NHSL1: variants seen among roughly 807,000 people sequenced by gnomAD.
NHSL1 encodes the protein NHS-like protein 1.
Under a neutral mutation model 95.0 loss-of-function variants are expected in NHSL1, and 48 were observed. The ratio of observed to expected loss-of-function variants is 0.51; its 90% CI spans 0.40 to 0.64. The LOEUF (loss-of-function observed/expected upper bound fraction) is 0.64, where lower values mean the gene tolerates loss of function less well. NHSL1 is among the 30% of genes least tolerant of loss of function. The pLI is 0.00. For missense variants in NHSL1, 1,971 were observed against 2,077.7 expected, an observed-to-expected ratio of 0.95 and a Z score of 1.00; for synonymous variants, 783 against 833.9, an observed-to-expected ratio of 0.94 and a Z score of 1.05.
chr6:138,485,069 C>A (rs1449030237), intron 2 of NHSL1, among the ~76,000 whole-genome samples: 1 of 152,108 alleles, frequency 6.6e-6, no homozygotes, highest in African/African-American at 2.4e-5. Flanking sequence ...AAATTGGAGG[C>A]GATCTCATTT....
chr6:138,432,416 T>G lies in NHSL1; in HGVS notation c.1929A>C (p.Arg643Ser). Residue 643 changes from arginine (R) to serine (S), a missense_variant, in exon 6 of 8, where the codon AGA (arginine) becomes AGC (serine). Physicochemically the swap from Arg to Ser is moderately radical, Grantham distance 110. Coordinates refer to ENST00000343505, the MANE Select transcript of NHSL1 (RefSeq NM_001144060.2). The surrounding 1 kb of genome is among the most constrained non-coding windows in gnomAD (Gnocchi z 4.4). ...RHSVINVFVG[R>S]AQKNQGDRSN... The stretch of plus-strand genomic sequence containing the variant: ...ACCGGTCCCCTTGGTTTTTCTGAGC[T>G]CTTCCAACAAAAACATTGATCACGC... 2.6e-6 allele frequency: 4 copies of G among 1,552,270 alleles called. No individual in the cohort carries two copies. Among genetic ancestry groups the G allele is most frequent in the Non-Finnish European group, 3.5e-6 (4 of 1,147,118 alleles).
intron 1 of NHSL1, among the ~76,000 whole-genome samples, chr6:138,567,441 C>A (rs1783662938): frequency 1.3e-5 from 2 of 152,058 alleles, no homozygotes; most frequent in African/African-American, 2.4e-5. Flanking sequence ...GGAAGCTATT[C>A]CTAAGTCCCA....
intron 1 of NHSL1, among the ~76,000 whole-genome samples, chr6:138,512,053 G>T (rs1008117465): frequency 1.3e-5 from 2 of 152,140 alleles, no homozygotes; most frequent in Non-Finnish European, 2.9e-5. Context: ...CTATCTCTTT[G>T]TGTGCTGCAA....
At chr6:138,442,982 T>G (rs1003637746) in intron 4 of NHSL1, among the ~76,000 whole-genome samples, 1 of 152,178 alleles carries the variant, frequency 6.6e-6, no homozygotes, top group African/African-American at 2.4e-5. Context: ...ACTGACCTTT[T>G]TGAATGGTTA....
chr6:138,432,115 C>T lies in NHSL1; in HGVS notation c.2230G>A (p.Ala744Thr), dbSNP rs1321862973. Reference protein sequence around the residue: ...PRSRSQSTVSAGSSMTSATTP... With the variant: ...PRSRSQSTVSTGSSMTSATTP... The stretch of plus-strand genomic sequence containing the variant: ...GTGGCGGAAGTCATGCTGCTGCCAG[C>T]ACTAACTGTGCTCTGGCTCCGGGAG... Residue 744 changes from alanine to threonine, a missense_variant, in exon 6 of 8, where the codon GCT becomes ACT. Coordinates refer to ENST00000343505, the MANE Select transcript of NHSL1 (RefSeq NM_001144060.2). The surrounding 1 kb of genome is among the most constrained non-coding windows in gnomAD (Gnocchi z 4.4). 6.4e-7 allele frequency: 1 copy of T among 1,550,844 alleles called. No individual in the cohort carries two copies. Among genetic ancestry groups the T allele is most frequent in the Non-Finnish European group, 8.7e-7 (1 of 1,146,570 alleles).
intron 1 of NHSL1, among the ~76,000 whole-genome samples, chr6:138,648,980 C>T (rs1785054188): frequency 2.0e-5 from 3 of 152,082 alleles, no homozygotes; most frequent in South Asian, 2.1e-4. Flanking sequence ...TTTAATGTAA[C>T]TTGTTTATTG....
chr6:138,586,248 C>A (rs576455017), intron 1 of NHSL1, among the ~76,000 whole-genome samples: 3 of 152,164 alleles, frequency 2.0e-5, no homozygotes, highest in South Asian at 4.2e-4. Context: ...GCACCTACCA[C>A]AACATCCAGC....
intron 1 of NHSL1, among the ~76,000 whole-genome samples, chr6:138,626,459 TA>T (rs1335962269): frequency 6.6e-6 from 1 of 152,186 alleles, no homozygotes; most frequent in Non-Finnish European, 1.5e-5. Context: ...TAGCTTTAAG[TA>T]AATATTAAGA....
chr6:138,532,171 C>T (rs1375886790), intron 1 of NHSL1, among the ~76,000 whole-genome samples: 1 of 152,110 alleles, frequency 6.6e-6, no homozygotes, highest in African/African-American at 2.4e-5. Flanking sequence ...GGTCCTGGCA[C>T]GTGCCAAGGA....
intron 1 of NHSL1, among the ~76,000 whole-genome samples, chr6:138,498,742 T>TACAC (rs1468818221): frequency 3.3e-5 from 5 of 152,194 alleles, no homozygotes; most frequent in Non-Finnish European, 7.3e-5. Context: ...AGCTCTTAAA[T>TACAC]ACACAACAAA....
intron 1 of NHSL1, among the ~76,000 whole-genome samples, chr6:138,649,413 CTA>C (rs951895874): frequency 1.3e-5 from 2 of 149,050 alleles, no homozygotes; most frequent in Non-Finnish European, 3.0e-5. Context: ...TTATTTCCTT[CTA>C]TAAAGCCATC....
At chr6:138,649,357 A>G (rs1325501305) in intron 1 of NHSL1, among the ~76,000 whole-genome samples, 3 of 151,630 alleles carry the variant, frequency 2.0e-5, no homozygotes, top group Non-Finnish European at 4.4e-5. Flanking sequence ...GAAACTTGAT[A>G]CTCTATGGAT....
At chr6:138,460,081 C>G (rs7757990) in intron 3 of NHSL1, among the ~76,000 whole-genome samples, 1 of 152,122 alleles carries the variant, frequency 6.6e-6, no homozygotes, top group African/African-American at 2.4e-5. Context: ...AAAAGAACCG[C>G]ACTTTTTCCC....
At chr6:138,673,506 A>C (rs1193512262) in intron 1 of NHSL1, among the ~76,000 whole-genome samples, 4 of 152,118 alleles carry the variant, frequency 2.6e-5, no homozygotes, top group Non-Finnish European at 5.9e-5. Context: ...TTCTGGCAAC[A>C]GAGATAGGGA....
chr6:138,570,287 C>T (rs1024453145), intron 1 of NHSL1, among the ~76,000 whole-genome samples: 6 of 152,354 alleles, frequency 3.9e-5, no homozygotes, highest in African/African-American at 1.4e-4. Flanking sequence ...ACTATACCCT[C>T]CTGCGACCAC....
upstream of NHSL1, among the ~76,000 whole-genome samples, chr6:138,503,412 G>A (rs1185133789): frequency 1.3e-5 from 2 of 152,076 alleles, no homozygotes; most frequent in Non-Finnish European, 2.9e-5. Flanking sequence ...TGACCCTCTG[G>A]CCAAATCCGG....
At chr6:138,508,257 G>T (rs1673297243) in intron 1 of NHSL1, among the ~76,000 whole-genome samples, 2 of 152,188 alleles carry the variant, frequency 1.3e-5, no homozygotes, top group African/African-American at 4.8e-5. Flanking sequence ...ACGCCTGCAG[G>T]AATGGAAGGC....
chr6:138,663,112 T>A (rs1259623561), intron 1 of NHSL1, among the ~76,000 whole-genome samples: 1 of 149,880 alleles, frequency 6.7e-6, no homozygotes, highest in Non-Finnish European at 1.5e-5. Flanking sequence ...CAGATATTTG[T>A]CAAATAATAC....
chr6:138,692,833 T>C (rs1785701140), upstream of NHSL1, among the ~76,000 whole-genome samples: 1 of 149,140 alleles, frequency 6.7e-6, no homozygotes, highest in South Asian at 2.1e-4. This position sits in a 1 kb window ranked among gnomAD's most constrained non-coding sequence, Gnocchi z 4.0. Context: ...CCAGCCTGCA[T>C]CCAACACAAA....
Sources: gnomAD v4.1 joint callset for allele counts (sites outside exome capture counted in the v4.1 genomes callset) on GRCh38, gnomAD v4.1.1 for gene constraint, Gnocchi (gnomAD v3.1) non-coding constraint, MANE v1.5 for transcripts, NCBI Gene and HGNC (gene_info 2026-07-23, HGNC 2026-07-21) for gene names.